The following CCBE1 variants were observed in gnomAD, a reference collection of about 807,000 sequenced individuals.
CCBE1 encodes collagen and calcium-binding EGF domain-containing protein 1.
CCBE1 carries 37 observed loss-of-function variants against 50.0 expected under a neutral mutation model. That is an observed-to-expected ratio of 0.74 (90% CI 0.57 to 0.97). The LOEUF (loss-of-function observed/expected upper bound fraction) is 0.97. CCBE1 is among the 50% of genes least tolerant of loss of function. The pLI, the probability that CCBE1 is intolerant of heterozygous loss-of-function variation, is 0.00. For missense variants in CCBE1, 538 were observed against 523.8 expected, an observed-to-expected ratio of 1.03 and a Z score of -0.26; for synonymous variants, 234 against 203.7, an observed-to-expected ratio of 1.15 and a Z score of -1.27.
intron 2 of CCBE1, among the ~76,000 whole-genome samples, chr18:59,491,657 T>C (rs986219662): frequency 1.3e-5 from 2 of 148,980 alleles, no homozygotes; most frequent in East Asian, 2.0e-4. Context: ...CTACCAAAAA[T>C]ACAAAAATTA....
intron 7 of CCBE1, among the ~76,000 whole-genome samples, chr18:59,443,689 G>T (rs952119971): frequency 3.9e-5 from 6 of 152,010 alleles, no homozygotes; most frequent in African/African-American, 1.2e-4. Flanking sequence ...GGCTAGTCTT[G>T]AACTCCTGAC....
intron 2 of CCBE1, among the ~76,000 whole-genome samples, chr18:59,544,758 T>C (rs747072733): frequency 6.6e-5 from 10 of 152,242 alleles, no homozygotes; most frequent in Non-Finnish European, 1.5e-4. Context: ...TTCAGACTTA[T>C]ATCACAGAAA....
At chr18:59,615,064 T>C (rs2053619528) in intron 2 of CCBE1, among the ~76,000 whole-genome samples, 1 of 152,248 alleles carries the variant, frequency 6.6e-6, no homozygotes, top group African/African-American at 2.4e-5. Context: ...CTTTTCTCTC[T>C]TCTCCTTCCT....
Position 59,446,910 on chromosome 18 carries a change from T to C in CCBE1, c.775+1073A>G, listed in dbSNP as rs531358761. On this transcript the variant is annotated intron_variant, in intron 7 of 10. Coordinates refer to ENST00000439986, the MANE Select transcript of CCBE1 (RefSeq NM_133459.4). ...TGCCTAGCACACTGCTAAGCAATGA[T>C]AGCCAGGGATAAGGCACTCAAAGGT... is the stretch of plus-strand genomic sequence containing the variant. 1.4e-4 allele frequency among the ~76,000 whole-genome samples: 21 copies of C among 152,330 alleles called. No individual in the cohort carries two copies. In the South Asian group the frequency reaches 4.4e-3, roughly 32 times the overall value.
chr18:59,607,563 C>A (rs2053515432), intron 2 of CCBE1, among the ~76,000 whole-genome samples: 1 of 152,170 alleles, frequency 6.6e-6, no homozygotes, highest in South Asian at 2.1e-4. Context: ...AGGAACTGGG[C>A]ATAGCTGGAT....
At chr18:59,651,583 A>G (rs968765262) in intron 2 of CCBE1, among the ~76,000 whole-genome samples, 11 of 152,338 alleles carry the variant, frequency 7.2e-5, no homozygotes, top group African/African-American at 2.6e-4. Context: ...AGACCTTAGC[A>G]AGGATCTTTC....
chr18:59,678,311 G>A (rs982574783), intron 2 of CCBE1, among the ~76,000 whole-genome samples: 1 of 152,172 alleles, frequency 6.6e-6, no homozygotes, highest in Non-Finnish European at 1.5e-5. Flanking sequence ...AGGGCACAAA[G>A]TCTTCCCGGC....
chr18:59,678,940 CTAAACA>C (rs375907276), intron 2 of CCBE1, among the ~76,000 whole-genome samples: 1 of 152,208 alleles, frequency 6.6e-6, no homozygotes, highest in African/African-American at 2.4e-5. Flanking sequence ...TAAAAGGGCT[CTAAACA>C]TAAAAGTAAA....
At chr18:59,609,560 C>T (rs1331974197) in intron 2 of CCBE1, among the ~76,000 whole-genome samples, 2 of 152,200 alleles carry the variant, frequency 1.3e-5, no homozygotes, top group East Asian at 1.9e-4. Flanking sequence ...GGTTCTACCT[C>T]TCAGTGTTTC....
intron 2 of CCBE1, 68 bp downstream of exon 2, chr18:59,696,561 T>C (rs955774303): frequency 4.4e-6 from 7 of 1,605,402 alleles, no homozygotes; most frequent in East Asian, 4.5e-5. Flanking sequence ...ACCCCTCCTT[T>C]ACAGCGCCGC....
rs997228345 is a variant in CCBE1 at position 59,435,598 on chromosome 18, T to C, written c.*310A>G. On this transcript the variant is annotated 3_prime_UTR_variant, in exon 11 of 11. Coordinates refer to ENST00000439986, the MANE Select transcript of CCBE1 (RefSeq NM_133459.4). ...TTCAAGAATTTATGATTTAAGACACTGTGAGAGTACTTAAATCCAAAGTTC... is the reference window on the plus strand; with the variant it reads ...TTCAAGAATTTATGATTTAAGACACCGTGAGAGTACTTAAATCCAAAGTTC... The C allele has an allele frequency of 7.2e-6, 3 of 417,278 alleles. No individual in the cohort carries two copies. The highest frequency in any genetic ancestry group is 1.3e-5 in the Non-Finnish European group (3 of 224,652). 25.8% of individuals were successfully genotyped at this position (417,278 alleles called of 1,614,324 possible).
chr18:59,466,602 A>T lies in CCBE1; in HGVS notation c.553+137T>A, dbSNP rs1163656936. On this transcript the variant is annotated intron_variant, in intron 5 of 10. Coordinates refer to ENST00000439986, the MANE Select transcript of CCBE1 (RefSeq NM_133459.4). ...TGGCATACATTGTATATAAAATTACATAGCATAATTACATAAATATATTTA... is the reference window on the plus strand; with the variant it reads ...TGGCATACATTGTATATAAAATTACTTAGCATAATTACATAAATATATTTA... 1.3e-5 allele frequency: 5 copies of T among 380,782 alleles called. No individual in the cohort carries two copies. In the East Asian group the frequency reaches 3.5e-4, roughly 26 times the overall value. 23.6% of individuals were successfully genotyped at this position (380,782 alleles called of 1,614,324 possible).
At chr18:59,532,937 C>A (rs1229629163) in intron 2 of CCBE1, among the ~76,000 whole-genome samples, 2 of 152,190 alleles carry the variant, frequency 1.3e-5, no homozygotes, top group Admixed American at 6.5e-5. Context: ...TCCTGCCTGG[C>A]AGTTCACCAA....
At chr18:59,488,727 C>T (rs1446426878) in intron 2 of CCBE1, among the ~76,000 whole-genome samples, 2 of 152,168 alleles carry the variant, frequency 1.3e-5, no homozygotes, top group African/African-American at 4.8e-5. Context: ...ATTTCCTCAT[C>T]TGTAAAATGG....
At chr18:59,458,577 T>C (rs1911313712) in intron 5 of CCBE1, among the ~76,000 whole-genome samples, 1 of 152,242 alleles carries the variant, frequency 6.6e-6, no homozygotes, top group Non-Finnish European at 1.5e-5. Context: ...GTTCAATCTC[T>C]TTTGTAGATG....
chr18:59,686,527 T>C (rs1294782673), intron 2 of CCBE1, among the ~76,000 whole-genome samples: 2 of 152,208 alleles, frequency 1.3e-5, no homozygotes, highest in Non-Finnish European at 2.9e-5. Context: ...CTTCTGACAG[T>C]GAGTCCTCAC....
intron 2 of CCBE1, among the ~76,000 whole-genome samples, chr18:59,548,614 C>G (rs1400715845): frequency 6.6e-6 from 1 of 152,154 alleles, no homozygotes; most frequent in Admixed American, 6.5e-5. Context: ...AACTGACCAA[C>G]CCATTGCAGA....
At position 59,697,280 on chromosome 18, in the gene CCBE1, A is replaced by G; in HGVS notation, c.63T>C (p.Gly21=). 7 of 1,549,138 alleles carry G rather than the reference A, an allele frequency of 4.5e-6. No individual in the cohort carries two copies. Among genetic ancestry groups the G allele is most frequent in the Non-Finnish European group, 6.1e-6 (7 of 1,146,742 alleles). The change falls in exon 1 of 11, where the codon GGT becomes GGC. Residue 21 remains glycine, a synonymous_variant. Transcript: ENST00000439986. Reference sequence around the variant, plus strand: ...CCAACGCCAGGAGCAGCAGCAGCGGACCCAGGCTCCTGCCCAGCTGGCCCC... The same window carrying G: ...CCAACGCCAGGAGCAGCAGCAGCGGGCCCAGGCTCCTGCCCAGCTGGCCCC... ...AARGQLGRSL[G]PLLLLLALGH... is the part of the protein sequence containing the mutation.
In CCBE1 at chr18:59,658,818, T is replaced by G. The variant is rs1006279332; in HGVS notation, c.212+37811A>C. On this transcript the variant is annotated intron_variant, in intron 2 of 10. Transcript: ENST00000439986. ...TCCCTTGAACCCGGGCAGTGGAGTT[T>G]GCAGTGAGCCAAGATCGTGCCACTG... Among the ~76,000 whole-genome samples the G allele has an allele frequency of 1.5e-5, 2 of 137,814 alleles. 1 individual carries two copies. The highest frequency in any genetic ancestry group is 4.5e-4 in the South Asian group (2 of 4,418). 90.4% of individuals were successfully genotyped at this position (137,814 alleles called of 152,430 possible).
Sources: gnomAD v4.1 joint callset for allele counts (sites outside exome capture counted in the v4.1 genomes callset) on GRCh38, gnomAD v4.1.1 for gene constraint, MANE v1.5 for transcripts, NCBI Gene and HGNC (gene_info 2026-07-23, HGNC 2026-07-21) for gene names.